Variants in STPG2 observed in about 807,000 individuals in gnomAD.
STPG2 encodes sperm tail PG-rich repeat containing 2.
A neutral mutation model predicts 54.2 loss-of-function variants in STPG2; 56 were observed. The ratio of observed to expected loss-of-function variants is 1.03; its 90% CI spans 0.83 to 1.29. STPG2 has a LOEUF of 1.29. Among genes scored for constraint, STPG2 ranks in the 50% most tolerant of loss-of-function variants. The pLI, the probability that STPG2 is intolerant of heterozygous loss-of-function variation, is 0.00. For missense variants in STPG2, 596 were observed against 544.9 expected (o/e 1.09, Z -0.93); for synonymous variants, 200 against 181.8 (o/e 1.10, Z -0.81).
chr4:97,923,387 C>A (rs1005132155), intron 8 of STPG2, among the ~76,000 whole-genome samples: 1 of 152,122 alleles, frequency 6.6e-6, no homozygotes, highest in African/African-American at 2.4e-5. Context: ...CATCGACTGC[C>A]CAAGGGCTAA....
chr4:97,563,145 G>A (rs1479110536), intron 10 of STPG2, among the ~76,000 whole-genome samples: 3 of 152,056 alleles, frequency 2.0e-5, no homozygotes, highest in African/African-American at 7.2e-5. Flanking sequence ...ATTCAGAGAG[G>A]CAACTTCTTC....
At chr4:97,967,036 A>T (rs1431388196) in intron 7 of STPG2, among the ~76,000 whole-genome samples, 2 of 152,318 alleles carry the variant, frequency 1.3e-5, no homozygotes, top group Admixed American at 1.3e-4. Flanking sequence ...AAATGGGCTG[A>T]ATGCCCCAAT....
At chr4:97,446,621 G>T (rs1260012748) in intron 4 of STPG2, among the ~76,000 whole-genome samples, 1 of 152,144 alleles carries the variant, frequency 6.6e-6, no homozygotes. Flanking sequence ...TGGATGATGG[G>T]TACGGTTTCC....
rs546072703 is a variant in STPG2, at chr4:97,944,845, A to C, written c.934-838T>G. 3.9e-5 allele frequency among the ~76,000 whole-genome samples: 6 copies of C among 152,266 alleles called. No homozygotes were observed. In the East Asian group the frequency reaches 1.2e-3, roughly 29 times the overall value. Reference sequence around the variant, plus strand: ...TGATCTGCCTCTACCCAAAATGCTGAAGATGGCACTTCTCCACTTTTTTCC... The same window carrying C: ...TGATCTGCCTCTACCCAAAATGCTGCAGATGGCACTTCTCCACTTTTTTCC... On this transcript the variant is annotated intron_variant, in intron 7 of 10. Coordinates refer to ENST00000295268, the MANE Select transcript of STPG2 (RefSeq NM_174952.3).
chr4:97,716,784 C>T (rs1724303984), intron 9 of STPG2, among the ~76,000 whole-genome samples: 1 of 151,534 alleles, frequency 6.6e-6, no homozygotes, highest in Non-Finnish European at 1.5e-5. Flanking sequence ...TGCAGCAAAC[C>T]ACCATGGCAC....
At chr4:97,890,238 G>A (rs929595464) in intron 8 of STPG2, among the ~76,000 whole-genome samples, 1 of 152,042 alleles carries the variant, frequency 6.6e-6, no homozygotes, top group Non-Finnish European at 1.5e-5. Context: ...CACTAGGAGA[G>A]AGATTGATGG....
At chr4:97,832,264 A>G (rs1318635890) in intron 9 of STPG2, among the ~76,000 whole-genome samples, 5 of 151,618 alleles carry the variant, frequency 3.3e-5, no homozygotes, top group Non-Finnish European at 7.4e-5. Context: ...GCCAATGACC[A>G]AAAAAAAGCA....
intron 5 of STPG2, among the ~76,000 whole-genome samples, chr4:97,993,592 T>C (rs1735093884): frequency 6.6e-6 from 1 of 151,992 alleles, no homozygotes; most frequent in Non-Finnish European, 1.5e-5. Context: ...ATTAGGGTGA[T>C]ACTGGCTTCA....
intron 9 of STPG2, among the ~76,000 whole-genome samples, chr4:97,833,640 T>C (rs1181618746): frequency 6.6e-6 from 1 of 151,636 alleles, no homozygotes; most frequent in African/African-American, 2.4e-5. Flanking sequence ...AATCTACAAA[T>C]AACTTAAACA....
chr4:98,074,807 A>C (rs1195239307), intron 5 of STPG2, among the ~76,000 whole-genome samples: 6 of 152,216 alleles, frequency 3.9e-5, no homozygotes, highest in Admixed American at 3.9e-4. Flanking sequence ...GTTATCTGTT[A>C]AATTCTTCAT....
At chr4:98,055,789 C>T (rs973487986) in intron 5 of STPG2, among the ~76,000 whole-genome samples, 7 of 152,164 alleles carry the variant, frequency 4.6e-5, no homozygotes, top group South Asian at 2.1e-4. Flanking sequence ...GGAAATCAGA[C>T]GGGCCTGGTC....
intron 9 of STPG2, among the ~76,000 whole-genome samples, chr4:97,713,537 T>A (rs1042667829): frequency 6.6e-6 from 1 of 152,232 alleles, no homozygotes; most frequent in African/African-American, 2.4e-5. Flanking sequence ...TGAAAAGTGG[T>A]AGTTTAGAAA....
At chr4:98,049,238 C>A (rs1483198843) in intron 5 of STPG2, among the ~76,000 whole-genome samples, 2 of 152,136 alleles carry the variant, frequency 1.3e-5, no homozygotes, top group Non-Finnish European at 2.9e-5. Flanking sequence ...GAACACTCGA[C>A]TTGAAGTTTT....
chr4:97,943,911 T>C lies in STPG2; in HGVS notation c.1030A>G (p.Lys344Glu). 6.3e-7 allele frequency: 1 copy of C among 1,578,220 alleles called. No individual in the cohort carries two copies. Among genetic ancestry groups the C allele is most frequent in the Non-Finnish European group, 8.6e-7 (1 of 1,167,768 alleles). Residue 344 changes from lysine to glutamate, a missense_variant, in exon 8 of 11, where the codon AAA becomes GAA. Coordinates refer to ENST00000295268, the MANE Select transcript of STPG2 (RefSeq NM_174952.3). ...AGTATTCTTACCATATCTGGTACTT[T>C]CATAGTTCTTTTGGCTCTTGACAAG... ...AFLSRAKRTMKVPDMVIPAPG... is the reference protein window; with the variant it reads ...AFLSRAKRTMEVPDMVIPAPG...
At chr4:97,773,572 A>G (rs142613785) in intron 9 of STPG2, among the ~76,000 whole-genome samples, 101 of 152,244 alleles carry the variant, frequency 6.6e-4, no homozygotes, top group African/African-American at 2.0e-3. Context: ...TCAGCCTTCC[A>G]AAGTGTTGAG....
At chr4:98,117,877 C>T (rs187905364) in intron 3 of STPG2, among the ~76,000 whole-genome samples, 1 of 152,132 alleles carries the variant, frequency 6.6e-6, no homozygotes, top group Non-Finnish European at 1.5e-5. Context: ...TTTCTTTGAA[C>T]ATATTTAAAA....
At chr4:97,693,545 T>C (rs1022571604) in intron 10 of STPG2, among the ~76,000 whole-genome samples, 5 of 152,110 alleles carry the variant, frequency 3.3e-5, no homozygotes, top group Admixed American at 3.3e-4. Flanking sequence ...CAATTACTAC[T>C]AGACCAAGAA....
At chr4:97,819,539 C>T (rs1728018125) in intron 9 of STPG2, among the ~76,000 whole-genome samples, 1 of 151,966 alleles carries the variant, frequency 6.6e-6, no homozygotes, top group Admixed American at 6.6e-5. Context: ...TAAAGTAAGT[C>T]TCAGTACCTG....
chr4:97,713,323 G>T (rs1724191268), intron 9 of STPG2, among the ~76,000 whole-genome samples: 1 of 152,094 alleles, frequency 6.6e-6, no homozygotes, highest in African/African-American at 2.4e-5. Context: ...TCCTAAATAA[G>T]GATTTTTGTA....
Sources: allele counts gnomAD v4.1 joint callset (sites outside exome capture counted in the v4.1 genomes callset), GRCh38; gene constraint gnomAD v4.1.1; transcripts MANE v1.5; gene names NCBI Gene and HGNC (gene_info 2026-07-23, HGNC 2026-07-21).